Variants in CTDSPL observed in about 807,000 individuals in gnomAD.
CTDSPL encodes the protein CTD small phosphatase like.
CTDSPL carries 8 observed loss-of-function variants against 30.5 expected under a neutral mutation model. The ratio of observed to expected loss-of-function variants is 0.26; its 90% confidence interval spans 0.15 to 0.47. CTDSPL has a LOEUF of 0.47. Ranked by LOEUF, CTDSPL falls within the 20% of genes least tolerant of loss-of-function variation. The pLI is 0.99. For synonymous variants in CTDSPL, 110 were observed against 137.9 expected (o/e 0.80, Z 1.42); for missense variants, 248 against 366.1 (o/e 0.68, Z 2.63).
chr3:37,964,614 A>G lies in CTDSPL; in HGVS notation c.311A>G (p.Tyr104Cys), dbSNP rs773566894. The G allele has an allele frequency of 4.3e-6, 7 of 1,614,072 alleles. No homozygotes were observed. Among genetic ancestry groups the G allele is most frequent in the Non-Finnish European group, 5.9e-6 (7 of 1,179,942 alleles). ...YLLPEVTVLD[Y>C]GKKCVVIDLD... ...CTTCCAGAGGTGACGGTGCTTGACTATGGAAAGAAATGTGTGGTCATTGAT... is the reference window on the plus strand; with the variant it reads ...CTTCCAGAGGTGACGGTGCTTGACTGTGGAAAGAAATGTGTGGTCATTGAT... Residue 104 changes from tyrosine (Y) to cysteine (C), a missense_variant, in exon 4 of 8, where the codon TAT (tyrosine) becomes TGT (cysteine). Around this residue, in one of 4 missense-constraint regions of CTDSPL, gnomAD observed 45 missense variants for 83.1 expected, o/e 0.54. Coordinates refer to ENST00000273179, the MANE Select transcript of CTDSPL (RefSeq NM_001008392.2).
intron 1 of CTDSPL, among the ~76,000 whole-genome samples, chr3:37,867,074 C>T (rs1289486174): frequency 1.3e-5 from 2 of 152,112 alleles, no homozygotes; most frequent in African/African-American, 2.4e-5. Flanking sequence ...TCAGGAGGAT[C>T]CCTCCTGTTG....
intron 1 of CTDSPL, among the ~76,000 whole-genome samples, chr3:37,890,188 G>A (rs1026222245): frequency 2.6e-5 from 4 of 152,248 alleles, no homozygotes; most frequent in African/African-American, 4.8e-5. Flanking sequence ...CACACTCAAC[G>A]TATGCGCGCA....
Position 37,862,485 on chromosome 3 carries a change from A to G in CTDSPL, c.79+207A>G, listed in dbSNP as rs1575271060. Reference sequence around the variant, plus strand: ...TGTGAGTGTGCAGGGGCTGGCGGAGAGACTGGGAGCGAGTGTGTGTGCATC... The same window carrying G: ...TGTGAGTGTGCAGGGGCTGGCGGAGGGACTGGGAGCGAGTGTGTGTGCATC... On this transcript the variant is annotated intron_variant, in intron 1 of 7. Transcript: ENST00000273179. This position sits in a 1 kb window ranked among gnomAD's most constrained non-coding sequence, Gnocchi z 4.3. Among the ~76,000 whole-genome samples, 2 of 152,012 alleles carry G rather than the reference A, an allele frequency of 1.3e-5. No individual in the cohort carries two copies. Among genetic ancestry groups the G allele is most frequent in the African/African-American group, 4.8e-5 (2 of 41,370 alleles).
rs749962338 is a variant in CTDSPL, at chr3:37,886,371, C to T, written c.79+24093C>T. ...CCTCACATCTGGGTCTCTGTCCCCTCACTAGGATGTCTGCCCTATCACAAT... is the reference window on the plus strand; with the variant it reads ...CCTCACATCTGGGTCTCTGTCCCCTTACTAGGATGTCTGCCCTATCACAAT... On this transcript the variant is annotated intron_variant, in intron 1 of 7. Coordinates refer to ENST00000273179, the MANE Select transcript of CTDSPL (RefSeq NM_001008392.2). Among the ~76,000 whole-genome samples, 2 of 152,156 alleles carry T rather than the reference C, an allele frequency of 1.3e-5. 1 individual carries two copies. Among genetic ancestry groups the T allele is most frequent in the Non-Finnish European group, 2.9e-5 (2 of 68,034 alleles).
At chr3:37,868,584 TAA>T (rs1207368040) in intron 1 of CTDSPL, among the ~76,000 whole-genome samples, 1 of 152,102 alleles carries the variant, frequency 6.6e-6, no homozygotes, top group Non-Finnish European at 1.5e-5. Context: ...CATTTTTTAA[TAA>T]GGCGTGAAAC....
At chr3:37,958,221 T>C (rs191677494) in intron 3 of CTDSPL, among the ~76,000 whole-genome samples, 1 of 152,336 alleles carries the variant, frequency 6.6e-6, no homozygotes, top group African/African-American at 2.4e-5. Flanking sequence ...AATTTCATTT[T>C]TCTCAAAACT....
At chr3:37,965,060 G>A (rs1203125158) in intron 4 of CTDSPL, among the ~76,000 whole-genome samples, 3 of 152,166 alleles carry the variant, frequency 2.0e-5, no homozygotes, top group East Asian at 1.9e-4. Flanking sequence ...AGTCTCTGTT[G>A]GAAACTGTCA....
At position 37,922,114 on chromosome 3, in the gene CTDSPL, A is replaced by T. The variant is rs188621882; in HGVS notation, c.80-24943A>T. On this transcript the variant is annotated intron_variant, in intron 1 of 7. Transcript: ENST00000273179. ...AGGCATGGTAGTGCTGCATGCCTAT[A>T]ATCCCAGCTACTCAGGAGGCTGAGG... Among the ~76,000 whole-genome samples, 5 of 151,806 alleles carry T rather than the reference A, an allele frequency of 3.3e-5. No homozygotes were observed. In the East Asian group the frequency reaches 9.7e-4, roughly 29 times the overall value.
At chr3:37,960,701 G>A (rs1055806118) in intron 3 of CTDSPL, among the ~76,000 whole-genome samples, 1 of 151,324 alleles carries the variant, frequency 6.6e-6, no homozygotes, top group Non-Finnish European at 1.5e-5. Context: ...CTGCACTCCA[G>A]CCTGGGCTAC....
intron 1 of CTDSPL, among the ~76,000 whole-genome samples, chr3:37,902,027 AG>A (rs1442419558): frequency 6.6e-6 from 1 of 152,148 alleles, no homozygotes; most frequent in Non-Finnish European, 1.5e-5. Context: ...TCCAAGCAGG[AG>A]GAAAAAGTAG....
At chr3:37,875,133 G>A (rs955537228) in intron 1 of CTDSPL, among the ~76,000 whole-genome samples, 26 of 152,176 alleles carry the variant, frequency 1.7e-4, no homozygotes, top group Non-Finnish European at 3.4e-4. Flanking sequence ...AAATAATGGA[G>A]CAAAGTCTCA....
chr3:37,897,938 A>G (rs915413881), intron 1 of CTDSPL, among the ~76,000 whole-genome samples: 3 of 152,206 alleles, frequency 2.0e-5, no homozygotes, highest in African/African-American at 7.2e-5. Context: ...TGCCGGTTAT[A>G]CACTAGAGAG....
chr3:37,870,503 A>G (rs1470260477), intron 1 of CTDSPL, among the ~76,000 whole-genome samples: 1 of 152,056 alleles, frequency 6.6e-6, no homozygotes, highest in Admixed American at 6.6e-5. Flanking sequence ...TATTCTTTAC[A>G]AATAACCAGT....
chr3:37,957,796 G>T (rs148843785), intron 3 of CTDSPL, among the ~76,000 whole-genome samples: 1 of 152,156 alleles, frequency 6.6e-6, no homozygotes, highest in Non-Finnish European at 1.5e-5. Context: ...CCACCCCTCA[G>T]CCATCCGCTG....
intron 3 of CTDSPL, among the ~76,000 whole-genome samples, chr3:37,959,914 T>C (rs553583474): frequency 6.6e-6 from 1 of 152,292 alleles, no homozygotes; most frequent in South Asian, 2.1e-4. Flanking sequence ...AAATAAAGAA[T>C]AGTATCAGGC....
intron 1 of CTDSPL, among the ~76,000 whole-genome samples, chr3:37,871,982 T>G (rs1346413401): frequency 6.6e-6 from 1 of 152,210 alleles, no homozygotes; most frequent in African/African-American, 2.4e-5. Flanking sequence ...CTTTATATCT[T>G]CCTCTTCTCT....
At chr3:37,908,041 A>C (rs1378702652) in intron 1 of CTDSPL, among the ~76,000 whole-genome samples, 1 of 152,244 alleles carries the variant, frequency 6.6e-6, no homozygotes, top group Non-Finnish European at 1.5e-5. Context: ...TTCAGTTTGC[A>C]TGGGCTTCCC....
chr3:37,949,606 A>G (rs1221969211), intron 2 of CTDSPL, among the ~76,000 whole-genome samples: 1 of 152,240 alleles, frequency 6.6e-6, no homozygotes, highest in Non-Finnish European at 1.5e-5. Context: ...TGAAGAGGTT[A>G]TCTCCTATTG....
intron 1 of CTDSPL, among the ~76,000 whole-genome samples, chr3:37,940,340 T>C (rs1698963916): frequency 6.6e-6 from 1 of 150,478 alleles, no homozygotes; most frequent in African/African-American, 2.4e-5. Context: ...GACAATCCTT[T>C]CCATTTCAAA....
Sources: allele counts gnomAD v4.1 joint callset (sites outside exome capture counted in the v4.1 genomes callset), GRCh38; gene constraint gnomAD v4.1.1; regional missense constraint gnomAD v4.1.1; non-coding constraint Gnocchi (gnomAD v3.1); transcripts MANE v1.5; gene names NCBI Gene and HGNC (gene_info 2026-07-23, HGNC 2026-07-21).